Variants in MYCBPAP observed in about 807,000 individuals in gnomAD.
MYCBPAP encodes MYCBP associated protein, also known as MYCBP-associated protein.
A neutral mutation model predicts 106.1 loss-of-function variants in MYCBPAP; 60 were observed. The ratio of observed to expected loss-of-function variants is 0.57; its 90% CI spans 0.46 to 0.70. The LOEUF (loss-of-function observed/expected upper bound fraction) is 0.70. Among genes scored for constraint, MYCBPAP ranks in the 30% least tolerant of loss-of-function variants. The pLI, the probability that MYCBPAP is intolerant of heterozygous loss-of-function variation, is 0.00. For synonymous variants in MYCBPAP, 407 were observed against 440.6 expected, an observed-to-expected ratio of 0.92 and a Z score of 0.95; for missense variants, 1,064 against 1,169.3, an observed-to-expected ratio of 0.91 and a Z score of 1.31.
In MYCBPAP at chr17:50,528,399, G is replaced by A; in HGVS notation, c.2407+129G>A. ...CTGCTAGGTTGAGCCCATGGAGTAG[G>A]CCCCTTACCCCTTTCTGTCCGCTGC... On this transcript the variant is annotated intron_variant, in intron 16 of 18. Transcript: ENST00000323776. 4.6e-6 allele frequency: 4 copies of A among 870,588 alleles called. No homozygotes were observed. In the East Asian group the frequency reaches 8.0e-5, roughly 17 times the overall value. The allele number at this position is 870,588 out of a possible 1,614,324, so 53.9% of individuals were successfully genotyped here.
At position 50,528,419 on chromosome 17, in the gene MYCBPAP, C is replaced by T. The variant is rs8067733; in HGVS notation, c.2407+149C>T. 24 of 788,598 alleles carry T rather than the reference C, an allele frequency of 3.0e-5. 1 individual carries two copies. The South Asian group carries it at 4.4e-4, about 14-fold the overall frequency. 48.9% of individuals were successfully genotyped at this position (788,598 alleles called of 1,614,324 possible). A position where few individuals can be genotyped will look rare whatever the true frequency, so the allele number is the denominator to read the frequency against. ...AGTAGGCCCCTTACCCCTTTCTGTC[C>T]GCTGCCAGGATGTGGTACCCAGAAG... is the stretch of plus-strand genomic sequence containing the variant. On this transcript the variant is annotated intron_variant, in intron 16 of 18. Transcript: ENST00000323776.
intron 1 of MYCBPAP, chr17:50,510,499 G>GTGTATGTGTGTATATATA (rs1418345705): frequency 3.9e-5 from 3 of 76,414 alleles, no homozygotes; most frequent in Admixed American, 1.6e-4. Context: ...GTGTGTGTGT[G>GTGTATGTGTGTATATATA]TATATATATA....
intron 9 of MYCBPAP, 62 bp from the exon 10 acceptor site, chr17:50,521,909 TGG>T: frequency 2.0e-6 from 3 of 1,483,700 alleles, no homozygotes; most frequent in Non-Finnish European, 2.8e-6. Flanking sequence ...ACCGTTTCTG[TGG>T]GGTTCCACAT....
rs780824020 is a variant in MYCBPAP at position 50,526,040 on chromosome 17, T to G, written c.1942T>G (p.Phe648Val). 9.9e-6 allele frequency: 16 copies of G among 1,613,774 alleles called. No individual in the cohort carries two copies. Among genetic ancestry groups the G allele is most frequent in the Non-Finnish European group, 1.3e-5 (15 of 1,180,022 alleles). Residue 648 changes from phenylalanine to valine, a missense_variant, in exon 14 of 19, where the codon TTT (phenylalanine) becomes GTT (valine). Physicochemically the swap from Phe to Val is conservative, Grantham distance 50. Transcript: ENST00000323776. ...TGTGAATGCTGAGCTGTTACCACGC[T>G]TTAGGAGCCCCATCTCCGAAACTCA... is the stretch of plus-strand genomic sequence containing the variant. ...ASVNAELLPR[F>V]RSPISETQVP...
intron 13 of MYCBPAP, among the ~76,000 whole-genome samples, chr17:50,525,275 G>T (rs2034421288): frequency 6.6e-6 from 1 of 152,216 alleles, no homozygotes; most frequent in Non-Finnish European, 1.5e-5. Flanking sequence ...TGAGGTGGAA[G>T]TTTCATCCTG....
At chr17:50,517,816 T>C in intron 4 of MYCBPAP, 118 bp downstream of exon 4, 1 of 820,714 alleles carries the variant, frequency 1.2e-6, no homozygotes. Flanking sequence ...AGGTTTTGAG[T>C]CTGAGTTGAT....
At chr17:50,518,784 T>G in intron 5 of MYCBPAP, 60 bp downstream of exon 5, 5 of 1,548,722 alleles carry the variant, frequency 3.2e-6, no homozygotes, top group Non-Finnish European at 4.4e-6. Flanking sequence ...CTCTGCTGGG[T>G]TGTTTGCTCT....
chr17:50,520,192 C>T (rs2034208520), intron 7 of MYCBPAP: 1 of 160,934 alleles, frequency 6.2e-6, no homozygotes, highest in South Asian at 1.8e-4. Context: ...TTTTGATATA[C>T]TGAATTAAAT....
rs543542731 is a variant in MYCBPAP at position 50,529,439 on chromosome 17, C to T, written c.2724+251C>T. On this transcript the variant is annotated intron_variant, in intron 18 of 18. Transcript: ENST00000323776. ...GAGGCCTCAGTGAGGAGGTGACAACCCACAAAGATTTGAAGGGAGGGGAAG... is the reference window on the plus strand; with the variant it reads ...GAGGCCTCAGTGAGGAGGTGACAACTCACAAAGATTTGAAGGGAGGGGAAG... The T allele has an allele frequency of 3.1e-3, 1,426 of 462,798 alleles. 10 individuals are homozygous for T. Among genetic ancestry groups the T allele is most frequent in the Non-Finnish European group, 4.6e-3 (1,154 of 251,266 alleles). The allele number at this position is 462,798 out of a possible 1,614,324, so 28.7% of individuals were successfully genotyped here. A position where few individuals can be genotyped will look rare whatever the true frequency, so the allele number is the denominator to read the frequency against.
Position 50,522,083 on chromosome 17 carries a change from T to A in MYCBPAP, c.1257+2T>A. 6.2e-7 allele frequency: 1 copy of A among 1,612,812 alleles called. No homozygotes were observed. Among genetic ancestry groups the A allele is most frequent in the Non-Finnish European group, 8.5e-7 (1 of 1,179,070 alleles). ...AGAGGCAGTAATCCACAGGACAAGG[T>A]AAAACAGCCTCCACCACACCTGCTG... On this transcript the variant is annotated splice_donor_variant, in intron 10 of 18. Coordinates refer to ENST00000323776, the MANE Select transcript of MYCBPAP (RefSeq NM_032133.6). LOFTEE classifies it high-confidence loss of function.
chr17:50,510,504 T>TGTGC (rs1567879220), intron 1 of MYCBPAP: 27 of 93,544 alleles, frequency 2.9e-4, no homozygotes, highest in African/African-American at 1.7e-3. Context: ...TGTGTGTATA[T>TGTGC]ATATATATAT....
intron 4 of MYCBPAP, 46 bp from the exon 5 acceptor site, chr17:50,518,495 C>T: frequency 2.0e-6 from 3 of 1,502,360 alleles, no homozygotes; most frequent in South Asian, 2.7e-5. Context: ...CAGCCCTGCC[C>T]AGAGCCTTCT....
At chr17:50,518,769 C>T in intron 5 of MYCBPAP, 45 bp downstream of exon 5, 1 of 1,551,352 alleles carries the variant, frequency 6.4e-7, no homozygotes, top group Non-Finnish European at 8.7e-7. Context: ...CATCTGGCAG[C>T]AAGGCTCTGC....
intron 15 of MYCBPAP, among the ~76,000 whole-genome samples, chr17:50,527,777 G>A (rs967080245): frequency 1.3e-5 from 2 of 152,146 alleles, no homozygotes; most frequent in African/African-American, 2.4e-5. Context: ...TTGTATAGGC[G>A]TGGGGTCCTT....
At chr17:50,526,527 C>T (rs1010899190) in intron 14 of MYCBPAP, among the ~76,000 whole-genome samples, 2 of 152,094 alleles carry the variant, frequency 1.3e-5, no homozygotes, top group East Asian at 1.9e-4. Context: ...CAGGTTCAAG[C>T]GATTCTCCTG....
At chr17:50,526,311 CCT>C in intron 14 of MYCBPAP, 44 bp downstream of exon 14, 1 of 1,527,282 alleles carries the variant, frequency 6.5e-7, no homozygotes, top group South Asian at 1.3e-5. Context: ...AATATTCCTG[CCT>C]CGAACCAACA....
chr17:50,524,738 G>GTGTGTGTGTGTGTGAGAC (rs375081606), intron 12 of MYCBPAP, 139 bp from the exon 13 acceptor site: 4 of 437,522 alleles, frequency 9.1e-6, no homozygotes, highest in African/African-American at 1.4e-4. Flanking sequence ...GTGTGTGTGT[G>GTGTGTGTGTGTGTGAGAC]AGAGAGAGAG....
In MYCBPAP at chr17:50,523,634, C is replaced by T; in HGVS notation, c.1485C>T (p.Phe495=). ...CTGGAGAAATTAAAACATTTACCTT[C>T]TTCTTCAAGTCTTTGACTGCTGGGG... The part of the protein sequence containing the change: ...ILPGEIKTFT[F]FFKSLTAGVF... The change falls in exon 12 of 19, where the codon TTC becomes TTT. Residue 495 remains phenylalanine, a synonymous_variant. Transcript: ENST00000323776. 1 of 1,614,200 alleles carries T rather than the reference C, an allele frequency of 6.2e-7. No individual in the cohort carries two copies. The highest frequency in any genetic ancestry group is 2.2e-5 in the East Asian group (1 of 44,894).
At chr17:50,528,546 A>C in intron 16 of MYCBPAP, 149 bp from the exon 17 acceptor site, 3 of 1,008,516 alleles carry the variant, frequency 3.0e-6, no homozygotes, top group Non-Finnish European at 4.3e-6. Flanking sequence ...CATAGGCACC[A>C]CAGTCCTGTT....
Sources: gnomAD v4.1 joint callset for allele counts (sites outside exome capture counted in the v4.1 genomes callset) on GRCh38, gnomAD v4.1.1 for gene constraint, MANE v1.5 for transcripts, NCBI Gene and HGNC (gene_info 2026-07-23, HGNC 2026-07-21) for gene names.